Variants in GALK1 observed in about 807,000 individuals in gnomAD.
GALK1 encodes galactokinase.
GALK1 carries 30 observed loss-of-function variants against 38.6 expected under a neutral mutation model. The observed-to-expected ratio is 0.78, with a 90% confidence interval of 0.58 to 1.05. The LOEUF is 1.05. GALK1 is among the 50% of genes least tolerant of loss of function. GALK1 has a pLI of 0.00. For synonymous variants in GALK1, 240 were observed against 233.6 expected, an observed-to-expected ratio of 1.03 and a Z score of -0.25; for missense variants, 512 against 540.5, an observed-to-expected ratio of 0.95 and a Z score of 0.52.
Position 75,763,755 on chromosome 17 carries a change from C to CT in GALK1, c.355+141_355+142insA. 3 of 908,614 alleles carry CT rather than the reference C, an allele frequency of 3.3e-6. No homozygotes were observed. The South Asian group carries it at 4.3e-5, about 13-fold the overall frequency. 56.3% of individuals were successfully genotyped at this position (908,614 alleles called of 1,614,324 possible). On this transcript the variant is annotated intron_variant, in intron 2 of 7. Coordinates refer to ENST00000588479, the MANE Select transcript of GALK1 (RefSeq NM_000154.2). ...GGGCAAGTTCCCGACCTTCTGGGGG[C>CT]ATCAGTTTCCTCATCTGTACAATGG...
At chr17:75,753,720 C>A (rs764555355), downstream of GALK1, 1 of 1,299,994 alleles carries the variant, frequency 7.7e-7, no homozygotes, top group Non-Finnish European at 9.9e-7. Flanking sequence ...CTGCTCGGCC[C>A]GGCGCCCCCC....
In GALK1 at chr17:75,758,245, C is replaced by T; in HGVS notation, c.1072G>A (p.Ala358Thr). The T allele has an allele frequency of 6.2e-7, 1 of 1,601,544 alleles. No homozygotes were observed. Among genetic ancestry groups the T allele is most frequent in the East Asian group, 2.3e-5 (1 of 44,410 alleles). The change falls in exon 7 of 8, where the codon GCC becomes ACC. Residue 358 changes from alanine to threonine, a missense_variant. Physicochemically the swap from Ala to Thr is moderately conservative, Grantham distance 58 (BLOSUM62 0). Coordinates refer to ENST00000588479, the MANE Select transcript of GALK1 (RefSeq NM_000154.2). ...FGGCTVTLLE[A>T]SAAPHAMRHI... ...CGCATGGCGTGGGGAGCAGCGGAGG[C>T]CTCCAGCAGTGTCACCGTGCAGCCA...
downstream of GALK1, among the ~76,000 whole-genome samples, chr17:75,753,183 G>A (rs865905889): frequency 4.6e-5 from 7 of 152,214 alleles, no homozygotes; most frequent in South Asian, 2.1e-4. Flanking sequence ...TATATCTTTT[G>A]TATTTTCTTC....
chr17:75,752,372 G>C (rs769329338), intron 8 of GALK1: 3 of 1,612,610 alleles, frequency 1.9e-6, no homozygotes, highest in East Asian at 4.5e-5. Context: ...TGGTGGGCAG[G>C]GAGGTGAGGG....
At chr17:75,755,033 C>T, downstream of GALK1, 1 of 1,588,680 alleles carries the variant, frequency 6.3e-7, no homozygotes. Flanking sequence ...GCTCCTCTCA[C>T]TCTTGTTTTG....
chr17:75,757,210 G>C (rs140140182), downstream of GALK1: 3 of 1,611,074 alleles, frequency 1.9e-6, no homozygotes, highest in Non-Finnish European at 2.5e-6. Flanking sequence ...GACCCTTCCC[G>C]CAGCTGGGCA....
chr17:75,752,117 G>A (rs1455647521), intron 8 of GALK1: 2 of 1,560,058 alleles, frequency 1.3e-6, no homozygotes. Context: ...TGTCAGGGGT[G>A]GTGTTGGGAC....
Position 75,762,866 on chromosome 17 carries a change from C to T in GALK1, c.631G>A (p.Val211Met). 2 of 1,613,470 alleles carry T rather than the reference C, an allele frequency of 1.2e-6. No individual in the cohort carries two copies. The highest frequency in any genetic ancestry group is 1.7e-6 in the Non-Finnish European group (2 of 1,179,878). Residue 211 changes from valine to methionine, a missense_variant, in exon 5 of 8, where the codon GTG (valine) becomes ATG (methionine). By Grantham distance (21) the Val-to-Met change is conservative. Transcript: ENST00000588479. ...GCCAGCTTGGGGTCCGAGAGTGGCA[C>T]CAGGCTGGTCTCCAAGGACCTGGGG... ...IDCRSLETSL[V>M]PLSDPKLAVL...
chr17:75,757,539 A>G (rs773631471), downstream of GALK1: 1 of 1,613,356 alleles, frequency 6.2e-7, no homozygotes, highest in Admixed American at 1.7e-5. Flanking sequence ...ATGGACCAAC[A>G]GTTCTTCCAA....
chr17:75,758,051 G>A lies in GALK1; in HGVS notation c.*5C>T. The A allele has an allele frequency of 6.2e-7, 1 of 1,612,758 alleles. No individual in the cohort carries two copies. The highest frequency in any genetic ancestry group is 2.2e-5 in the East Asian group (1 of 44,876). On this transcript the variant is annotated 3_prime_UTR_variant, in exon 8 of 8. Transcript: ENST00000588479. ...ACCCTCACCGTGTGCTGTCCTGGGG[G>A]TGCCTCACAAGCACAGCACCTTGGC... is the stretch of plus-strand genomic sequence containing the variant.
At chr17:75,753,430 A>T (rs1255296903), downstream of GALK1, among the ~76,000 whole-genome samples, 1 of 152,146 alleles carries the variant, frequency 6.6e-6, no homozygotes, top group African/African-American at 2.4e-5. Flanking sequence ...CGGGAAACTG[A>T]GTCTCGGAGA....
rs113464656 is a variant in GALK1, at chr17:75,758,448, C to A, written c.944+1G>T. The stretch of plus-strand genomic sequence containing the variant: ...GGAGCGGGGCGCCCAGAGGGCCTCA[C>A]CTGAGTGAGCGGTGGCTCTCCACCA... On this transcript the variant is annotated splice_donor_variant, in intron 6 of 7. Coordinates refer to ENST00000588479, the MANE Select transcript of GALK1 (RefSeq NM_000154.2). LOFTEE classifies it high-confidence loss of function. The A allele has an allele frequency of 1.3e-6, 2 of 1,574,464 alleles. No individual in the cohort carries two copies. Among genetic ancestry groups the A allele is most frequent in the Non-Finnish European group, 8.6e-7 (1 of 1,161,064 alleles).
Position 75,758,606 on chromosome 17 carries a change from A to C in GALK1, c.794-7T>G, listed in dbSNP as rs1568393617. ...CTCACCAGGTCCCTGGCAGCTGGGG[A>C]GGAAAGAGGAGTCAGCAGCCGCCTT... On this transcript the variant is annotated splice_region_variant and splice_polypyrimidine_tract_variant and intron_variant, in intron 5 of 7. Transcript: ENST00000588479. 6.3e-7 allele frequency: 1 copy of C among 1,584,908 alleles called. No individual in the cohort carries two copies. The highest frequency in any genetic ancestry group is 8.5e-7 in the Non-Finnish European group (1 of 1,173,360).
At chr17:75,763,802 TC>T in intron 2 of GALK1, 94 bp downstream of exon 2, 1 of 1,218,974 alleles carries the variant, frequency 8.2e-7, no homozygotes, top group Non-Finnish European at 1.2e-6. Context: ...CTACAAGCCT[TC>T]CCCACAGTGT....
intron 8 of GALK1, chr17:75,752,318 T>A (rs1437067208): frequency 6.2e-7 from 1 of 1,612,850 alleles, no homozygotes; most frequent in Non-Finnish European, 8.5e-7. Flanking sequence ...CGGGAGGCCA[T>A]CATCAACCTG....
rs765769433 is a variant in GALK1, at chr17:75,758,339, G to A, written c.978C>T (p.Asp326=). The A allele has an allele frequency of 2.5e-6, 4 of 1,594,702 alleles. No homozygotes were observed. The Admixed American group carries it at 7.0e-5, about 28-fold the overall frequency. Residue 326 remains aspartate (D), a synonymous_variant, in exon 7 of 8, where the codon GAC becomes GAT. Coordinates refer to ENST00000588479, the MANE Select transcript of GALK1 (RefSeq NM_000154.2). ...DDYEVSCPEL[D]QLVEAALAVP... The stretch of plus-strand genomic sequence containing the variant: ...CAGCAAGCGCAGCCTCCACCAGCTG[G>A]TCCAGCTCTGGGCAGCTCACCTCAT...
chr17:75,762,710 G>C lies in GALK1; in HGVS notation c.787C>G (p.Leu263Val). 2 of 1,613,772 alleles carry C rather than the reference G, an allele frequency of 1.2e-6. No individual in the cohort carries two copies. The highest frequency in any genetic ancestry group is 1.7e-6 in the Non-Finnish European group (2 of 1,180,020). Residue 263 changes from leucine to valine, a missense_variant, in exon 5 of 8, where the codon CTA becomes GTA. Transcript: ENST00000588479. ...ESLREVQLEE[L>V]EAARDLVSKE... ...GCACCCTGGCAGTTCTCACCCTCTA[G>C]CTCTTCCAGTTGTACCTCCCGGAGG...
downstream of GALK1, chr17:75,755,884 A>T (rs923113902): frequency 6.9e-6 from 11 of 1,591,826 alleles, no homozygotes; most frequent in Middle Eastern, 2.2e-4. Context: ...TGCGGGGTGC[A>T]GCCCTGCAAG....
At chr17:75,761,201 C>CAAAT (rs576940782) in intron 5 of GALK1, among the ~76,000 whole-genome samples, 109 of 151,116 alleles carry the variant, frequency 7.2e-4, no homozygotes, top group African/African-American at 2.1e-3. Context: ...GACTCTGTCT[C>CAAAT]AAATAAATAA....
Sources: gnomAD v4.1 joint callset for allele counts (sites outside exome capture counted in the v4.1 genomes callset) on GRCh38, gnomAD v4.1.1 for gene constraint, MANE v1.5 for transcripts, NCBI Gene and HGNC (gene_info 2026-07-23, HGNC 2026-07-21) for gene names.